Variants in ERCC3 observed in about 807,000 individuals in gnomAD.
ERCC3 encodes ERCC excision repair 3, TFIIH core complex helicase subunit, also known as general transcription and DNA repair factor IIH helicase/translocase subunit XPB.
ERCC3 carries 66 observed loss-of-function variants against 94.2 expected under a neutral mutation model. The observed-to-expected ratio is 0.70, with a 90% CI of 0.57 to 0.86. ERCC3 has a LOEUF of 0.86. Ranked by LOEUF, ERCC3 falls within the 40% of genes least tolerant of loss-of-function variation. The pLI is 0.00. For missense variants in ERCC3, 829 were observed against 987.1 expected (o/e 0.84, Z 2.15); for synonymous variants, 349 against 369.1 (o/e 0.95, Z 0.63).
intron 10 of ERCC3, among the ~76,000 whole-genome samples, chr2:127,273,232 A>G (rs1424106784): frequency 6.6e-6 from 1 of 152,054 alleles, no homozygotes; most frequent in Non-Finnish European, 1.5e-5. Context: ...CTGCTTCAAC[A>G]TCTCTTACTC....
In ERCC3 at chr2:127,293,988, G is replaced by A. The variant is rs770620214; in HGVS notation, c.28+66C>T. ...CGGCGCAGAGGCCCGGAGCAGCTCC[G>A]AGGCAGAGCGGGGGGCAGGGCCGGC... On this transcript the variant is annotated intron_variant, in intron 1 of 14. Transcript: ENST00000285398. The A allele has an allele frequency of 2.5e-6, 4 of 1,583,306 alleles. No individual in the cohort carries two copies. The African/African-American group carries it at 5.4e-5, about 21-fold the overall frequency.
intron 12 of ERCC3, among the ~76,000 whole-genome samples, chr2:127,270,936 C>G (rs1204426217): frequency 6.6e-6 from 1 of 152,208 alleles, no homozygotes; most frequent in Non-Finnish European, 1.5e-5. Flanking sequence ...CAAGCTGCTC[C>G]TACCAAACCT....
rs753046922 is a variant in ERCC3 at position 127,257,570 on chromosome 2, C to T, written c.*26G>A. ...TCCAACAAGGGTGCCAAGCGCCGGTCTTGAACGAAGTACCCTGCCTAAGCA... is the reference window on the plus strand; with the variant it reads ...TCCAACAAGGGTGCCAAGCGCCGGTTTTGAACGAAGTACCCTGCCTAAGCA... On this transcript the variant is annotated 3_prime_UTR_variant, in exon 15 of 15. Coordinates refer to ENST00000285398, the MANE Select transcript of ERCC3 (RefSeq NM_000122.2). This position sits in a 1 kb window ranked among gnomAD's most constrained non-coding sequence, Gnocchi z 5.4. The T allele has an allele frequency of 1.2e-6, 2 of 1,613,112 alleles. No homozygotes were observed. The highest frequency in any genetic ancestry group is 2.2e-5 in the South Asian group (2 of 91,016).
Position 127,261,602 on chromosome 2 carries a change from G to C in ERCC3, c.1946-256C>G, listed in dbSNP as rs4150514. On this transcript the variant is annotated intron_variant, in intron 12 of 14. Coordinates refer to ENST00000285398, the MANE Select transcript of ERCC3 (RefSeq NM_000122.2). ...ATATCTGATAAGGGATTTGTATCTA[G>C]GTTATACAAAGAACTGTTGAAACTC... The C allele has an allele frequency of 0.22, 103,679 of 465,486 alleles. 12,491 individuals carry two copies. Among genetic ancestry groups the C allele is most frequent in the South Asian group, 0.33 (15,895 of 47,602 alleles). 28.8% of individuals were successfully genotyped at this position (465,486 alleles called of 1,614,324 possible).
chr2:127,270,046 A>G (rs1299998395), intron 12 of ERCC3, among the ~76,000 whole-genome samples: 3 of 152,062 alleles, frequency 2.0e-5, no homozygotes, highest in South Asian at 2.1e-4. Flanking sequence ...CAATCAATCA[A>G]TAAAGGAGTT....
intron 6 of ERCC3, 121 bp downstream of exon 6, chr2:127,289,216 A>C: frequency 1.1e-6 from 1 of 882,268 alleles, no homozygotes; most frequent in South Asian, 1.4e-5. Flanking sequence ...GGAGAAAGCA[A>C]TTCAGGGACC....
Position 127,264,863 on chromosome 2 carries a change from T to G in ERCC3, c.1946-3517A>C, listed in dbSNP as rs1684307101. ...AGTTGGTAGATTTTTTTTTTTTTTT[T>G]TGGAGGCGGAGTCTCACTCTGTCAC... is the stretch of plus-strand genomic sequence containing the variant. On this transcript the variant is annotated intron_variant, in intron 12 of 14. Coordinates refer to ENST00000285398, the MANE Select transcript of ERCC3 (RefSeq NM_000122.2). This position sits in a 1 kb window ranked among gnomAD's most constrained non-coding sequence, Gnocchi z 4.4. Among the ~76,000 whole-genome samples, 1 of 151,778 alleles carries G rather than the reference T, an allele frequency of 6.6e-6. No homozygotes were observed. The highest frequency in any genetic ancestry group is 1.5e-5 in the Non-Finnish European group (1 of 67,908).
rs369590167 is a variant in ERCC3, at chr2:127,268,550, G to A, written c.1945+2786C>T. On this transcript the variant is annotated intron_variant, in intron 12 of 14. Transcript: ENST00000285398. ...AGTGCTGGGATTACAGGTGTGAGCC[G>A]CCGTGCCCAGCCAGGATTTCTTTTC... is the stretch of plus-strand genomic sequence containing the variant. Among the ~76,000 whole-genome samples the A allele has an allele frequency of 2.4e-4, 37 of 152,182 alleles. No homozygotes were observed. In the South Asian group the frequency reaches 3.3e-3, roughly 14 times the overall value.
chr2:127,280,800 T>G lies in ERCC3; in HGVS notation c.1343-169A>C. The G allele has an allele frequency of 4.5e-6, 3 of 663,776 alleles. No individual in the cohort carries two copies. The highest frequency in any genetic ancestry group is 7.9e-6 in the Non-Finnish European group (3 of 380,088). The allele number at this position is 663,776 out of a possible 1,614,324, so 41.1% of individuals were successfully genotyped here. A position where few individuals can be genotyped will look rare whatever the true frequency, so the allele number is the denominator to read the frequency against. Reference sequence around the variant, plus strand: ...CCTTCGCCTCCCAAAGTGCTGGGATTACAGACGTGACCCACTGCACCCAGC... The same window carrying G: ...CCTTCGCCTCCCAAAGTGCTGGGATGACAGACGTGACCCACTGCACCCAGC... On this transcript the variant is annotated intron_variant, in intron 8 of 14. Coordinates refer to ENST00000285398, the MANE Select transcript of ERCC3 (RefSeq NM_000122.2). The surrounding 1 kb of genome is among the most constrained non-coding windows in gnomAD (Gnocchi z 6.3).
chr2:127,289,531 C>G (rs373844339), intron 5 of ERCC3, 30 bp from the exon 6 acceptor site: 2 of 1,611,700 alleles, frequency 1.2e-6, no homozygotes, highest in Non-Finnish European at 1.7e-6. Flanking sequence ...TGAACGTGCA[C>G]ACAACATTTA....
intron 2 of ERCC3, among the ~76,000 whole-genome samples, chr2:127,293,131 A>T (rs567632028): frequency 2.6e-5 from 4 of 152,268 alleles, no homozygotes; most frequent in African/African-American, 4.8e-5. Context: ...CTAGATTTCA[A>T]CTAAATGTAT....
intron 12 of ERCC3, 61 bp from the exon 13 acceptor site, chr2:127,261,407 A>G: frequency 9.5e-7 from 1 of 1,052,712 alleles, no homozygotes; most frequent in Non-Finnish European, 1.5e-6. Flanking sequence ...GAATGCCAAG[A>G]GCTAAGGGTC....
At chr2:127,294,001 G>T in intron 1 of ERCC3, 53 bp downstream of exon 1, 1 of 1,594,082 alleles carries the variant, frequency 6.3e-7, no homozygotes, top group Non-Finnish European at 8.5e-7. Flanking sequence ...GCAGAGCGGG[G>T]GGCAGGGCCG....
At position 127,257,342 on chromosome 2, in the gene ERCC3, T is replaced by C; in HGVS notation, c.*254A>G. On this transcript the variant is annotated 3_prime_UTR_variant, in exon 15 of 15. Transcript: ENST00000285398. This position sits in a 1 kb window ranked among gnomAD's most constrained non-coding sequence, Gnocchi z 5.4. ...TCAGAACGGTAACATAAATACACCTTAAATATTAACATTTTTTATATACAG... is the reference window on the plus strand; with the variant it reads ...TCAGAACGGTAACATAAATACACCTCAAATATTAACATTTTTTATATACAG... 1 of 534,762 alleles carries C rather than the reference T, an allele frequency of 1.9e-6. No homozygotes were observed. Among genetic ancestry groups the C allele is most frequent in the Non-Finnish European group, 3.5e-6 (1 of 287,806 alleles). 33.1% of individuals were successfully genotyped at this position (534,762 alleles called of 1,614,324 possible). A position where few individuals can be genotyped will look rare whatever the true frequency, so the allele number is the denominator to read the frequency against.
intron 12 of ERCC3, among the ~76,000 whole-genome samples, chr2:127,268,727 C>T (rs1040806556): frequency 3.3e-5 from 5 of 152,156 alleles, no homozygotes; most frequent in South Asian, 2.1e-4. Context: ...GAAAGTCTGA[C>T]GGCTATGTGC....
chr2:127,270,806 G>A (rs1254413736), intron 12 of ERCC3, among the ~76,000 whole-genome samples: 1 of 152,178 alleles, frequency 6.6e-6, no homozygotes, highest in African/African-American at 2.4e-5. Context: ...CTCAGAAAAA[G>A]CCTTTGCAAT....
At chr2:127,283,949 C>T (rs773971956) in intron 8 of ERCC3, among the ~76,000 whole-genome samples, 11 of 152,214 alleles carry the variant, frequency 7.2e-5, no homozygotes, top group African/African-American at 2.7e-4. Context: ...CAAATTCACA[C>T]ATCTAAAGCC....
In ERCC3 at chr2:127,271,489, G is replaced by GAA. The variant is rs11345447; in HGVS notation, c.1828-38_1828-37dup. The GAA allele has an allele frequency of 3.1e-5, 36 of 1,163,792 alleles. No homozygotes were observed. Among genetic ancestry groups the GAA allele is most frequent in the Admixed American group, 4.1e-5 (2 of 48,258 alleles). 72.1% of individuals were successfully genotyped at this position (1,163,792 alleles called of 1,614,324 possible). ...AAGTTGGAAGGTTTTTATATATGAG[G>GAA]AAAAAAAAAAAGTCAACTGATCCAG... On this transcript the variant is annotated intron_variant, in intron 11 of 14. Transcript: ENST00000285398. The surrounding 1 kb of genome is among the most constrained non-coding windows in gnomAD (Gnocchi z 5.0).
At chr2:127,289,007 G>T (rs1685174242) in intron 6 of ERCC3, 143 bp from the exon 7 acceptor site, 1 of 812,000 alleles carries the variant, frequency 1.2e-6, no homozygotes, top group Non-Finnish European at 2.1e-6. Flanking sequence ...TCAACAACCG[G>T]GATAAAGCAC....
Sources: gnomAD v4.1 joint callset for allele counts (sites outside exome capture counted in the v4.1 genomes callset) on GRCh38, gnomAD v4.1.1 for gene constraint, Gnocchi (gnomAD v3.1) non-coding constraint, MANE v1.5 for transcripts, NCBI Gene and HGNC (gene_info 2026-07-23, HGNC 2026-07-21) for gene names.